IFT46: variants seen among roughly 807,000 people sequenced by gnomAD.
IFT46 encodes intraflagellar transport protein 46 homolog.
In IFT46, 19 loss-of-function variants were observed where a neutral mutation model predicts 39.6. The observed-to-expected ratio is 0.48, with a 90% CI of 0.33 to 0.70. The LOEUF (loss-of-function observed/expected upper bound fraction) is 0.70, where lower values mean the gene tolerates loss of function less well. Among genes scored for constraint, IFT46 ranks in the 30% least tolerant of loss-of-function variants. The pLI is 0.01. For synonymous variants in IFT46, 117 were observed against 134.8 expected (o/e 0.87, Z 0.91); for missense variants, 334 against 364.8 (o/e 0.92, Z 0.69).
intron 9 of IFT46, chr11:118,546,256 G>T: frequency 1.4e-6 from 1 of 691,086 alleles, no homozygotes; most frequent in South Asian, 1.6e-5. Context: ...CCAGCACTGT[G>T]GGAGGTTGAG....
chr11:118,571,858 C>T (rs555432782), intron 1 of IFT46, among the ~76,000 whole-genome samples: 138 of 152,174 alleles, frequency 9.1e-4, no homozygotes, highest in Non-Finnish European at 1.5e-3. Context: ...GAGGCTGAGG[C>T]GGGCGGATCA....
intron 2 of IFT46, among the ~76,000 whole-genome samples, chr11:118,563,248 A>G (rs1480084377): frequency 1.3e-5 from 2 of 152,072 alleles, no homozygotes; most frequent in East Asian, 3.9e-4. Context: ...ACTCATACAG[A>G]CAGTAGAATA....
At chr11:118,547,230 C>A (rs1440644996) in intron 9 of IFT46, 1 of 152,086 alleles carries the variant, frequency 6.6e-6, no homozygotes, top group Non-Finnish European at 1.5e-5. Context: ...CTTTGTAGAG[C>A]TTACATTTTA....
At position 118,554,993 on chromosome 11, in the gene IFT46, T is replaced by TA. The variant is rs1215986199; in HGVS notation, c.350dup (p.Leu117PhefsTer7). 1 of 1,606,302 alleles carries TA rather than the reference T, an allele frequency of 6.2e-7. No homozygotes were observed. Among genetic ancestry groups the TA allele is most frequent in the Non-Finnish European group, 8.5e-7 (1 of 1,172,972 alleles). On this transcript the variant is annotated frameshift_variant, in exon 6 of 12. Coordinates refer to ENST00000264021, the MANE Select transcript of IFT46 (RefSeq NM_001168618.2). LOFTEE classifies it high-confidence loss of function. ...TTTCAGGATGTACTGACTATACCTT[T>TA]AAGAATGCATCAATATCCCCGACAG...
At chr11:118,576,412 T>C (rs1938505805), upstream of IFT46, among the ~76,000 whole-genome samples, 1 of 139,272 alleles carries the variant, frequency 7.2e-6, no homozygotes, top group Non-Finnish European at 1.5e-5. Context: ...CTGGAATGTT[T>C]TTTCCAAAAA....
At chr11:118,546,474 A>G (rs1237175678) in intron 9 of IFT46, 2 of 262,738 alleles carry the variant, frequency 7.6e-6, no homozygotes, top group African/African-American at 2.2e-5. Context: ...CTGGGCATAG[A>G]GTAATACCCT....
intron 3 of IFT46, chr11:118,557,686 C>T (rs782187159): frequency 4.3e-5 from 69 of 1,600,720 alleles, no homozygotes; most frequent in African/African-American, 5.4e-5. Flanking sequence ...AAAATGACTA[C>T]ACATTCTCTC....
chr11:118,555,922 CA>C (rs1215637899), intron 4 of IFT46, among the ~76,000 whole-genome samples: 1,636 of 113,208 alleles, frequency 0.014, 26 homozygotes, highest in African/African-American at 0.048. Flanking sequence ...GACTCTGTCT[CA>C]AAAAAAAAAA....
At chr11:118,547,842 G>A (rs1951728206) in intron 9 of IFT46, among the ~76,000 whole-genome samples, 1 of 147,494 alleles carries the variant, frequency 6.8e-6, no homozygotes, top group African/African-American at 2.5e-5. Context: ...CGTCTCCCGG[G>A]TTCACGCCAT....
chr11:118,546,558 A>T (rs961070336), intron 9 of IFT46: 2 of 195,568 alleles, frequency 1.0e-5, no homozygotes, highest in African/African-American at 4.7e-5. Flanking sequence ...CTACTGGACT[A>T]CTAGCCTCCA....
At chr11:118,563,726 C>T (rs555822608) in intron 2 of IFT46, among the ~76,000 whole-genome samples, 49 of 152,298 alleles carry the variant, frequency 3.2e-4, no homozygotes, top group Admixed American at 1.8e-3. Context: ...GTAGTGTCCC[C>T]TCTACCATAA....
At chr11:118,569,586 T>C (rs781833993), upstream of IFT46, among the ~76,000 whole-genome samples, 57 of 152,220 alleles carry the variant, frequency 3.7e-4, no homozygotes, top group Admixed American at 1.3e-4. Flanking sequence ...AAGTCTATAA[T>C]GCAGTGCTTA....
upstream of IFT46, among the ~76,000 whole-genome samples, chr11:118,575,437 T>TGTGTGTGTG (rs1555073335): frequency 1.3e-5 from 2 of 151,916 alleles, no homozygotes; most frequent in South Asian, 2.1e-4. Context: ...TGTGTGTGTG[T>TGTGTGTGTG]TTTAATTCTC....
chr11:118,561,373 G>A, intron 2 of IFT46: 2 of 851,674 alleles, frequency 2.3e-6, no homozygotes, highest in Non-Finnish European at 4.1e-6. Context: ...GCATAAAGAA[G>A]AGCGTAACTC....
chr11:118,551,693 T>C, intron 9 of IFT46, 93 bp downstream of exon 9: 1 of 855,264 alleles, frequency 1.2e-6, no homozygotes, highest in Non-Finnish European at 1.8e-6. Flanking sequence ...AAAAAAAAGT[T>C]ACCAATAATA....
At chr11:118,547,734 C>A in intron 9 of IFT46, among the ~76,000 whole-genome samples, 1 of 128,130 alleles carries the variant, frequency 7.8e-6, no homozygotes. Context: ...TTTTACTTTT[C>A]TTTTCTTTTC....
At chr11:118,572,953 CTGGT>C (rs1938385333) in exon 1 of IFT46, 1 of 224,500 alleles carries the variant, frequency 4.5e-6, no homozygotes, top group African/African-American at 2.3e-5. Flanking sequence ...TCCGGAGGTT[CTGGT>C]CCTTCTGTTA....
chr11:118,564,229 C>T (rs1938154682), intron 2 of IFT46, among the ~76,000 whole-genome samples: 1 of 150,282 alleles, frequency 6.7e-6, no homozygotes, highest in Admixed American at 6.6e-5. Context: ...GGTCTCCTTC[C>T]TCACTGTTAT....
chr11:118,546,514 G>A, intron 9 of IFT46: 1 of 192,178 alleles, frequency 5.2e-6, no homozygotes, highest in Non-Finnish European at 1.1e-5. Flanking sequence ...GGGAGGGAGG[G>A]AATCAACCAT....
Sources: gnomAD v4.1 joint callset for allele counts (sites outside exome capture counted in the v4.1 genomes callset) on GRCh38, gnomAD v4.1.1 for gene constraint, MANE v1.5 for transcripts, NCBI Gene and HGNC (gene_info 2026-07-23, HGNC 2026-07-21) for gene names.